Variants in KIAA0319L observed in about 807,000 individuals in gnomAD.
KIAA0319L encodes dyslexia-associated protein KIAA0319-like protein.
KIAA0319L carries 55 observed loss-of-function variants against 120.1 expected under a neutral mutation model. That is an observed-to-expected ratio of 0.46 (90% CI 0.37 to 0.57). KIAA0319L has a LOEUF of 0.57. Ranked by LOEUF, KIAA0319L falls within the 20% of genes least tolerant of loss-of-function variation. The probability of loss-of-function intolerance (pLI) is 0.00; values close to 1 mark genes in which losing one functional copy is unlikely to be tolerated. For missense variants in KIAA0319L, 1,049 were observed against 1,255.3 expected, an observed-to-expected ratio of 0.84 and a Z score of 2.48; for synonymous variants, 398 against 471.9, an observed-to-expected ratio of 0.84 and a Z score of 2.03.
intron 2 of KIAA0319L, among the ~76,000 whole-genome samples, chr1:35,516,913 C>CA (rs368411736): frequency 1.4e-4 from 22 of 152,162 alleles, no homozygotes; most frequent in African/African-American, 4.8e-4. Flanking sequence ...ACACCAACAC[C>CA]ACCCAAGCCA....
intron 10 of KIAA0319L, 70 bp downstream of exon 10, chr1:35,455,943 G>T: frequency 1.7e-6 from 2 of 1,172,762 alleles, no homozygotes; most frequent in Non-Finnish European, 2.4e-6. Context: ...TTGTTTGGAG[G>T]TTTCTAAAAA....
intron 2 of KIAA0319L, among the ~76,000 whole-genome samples, chr1:35,519,086 T>C (rs1435871542): frequency 1.3e-5 from 2 of 152,112 alleles, no homozygotes; most frequent in Non-Finnish European, 2.9e-5. Context: ...ACGAATTATG[T>C]GGCATATTTG....
intron 16 of KIAA0319L, 30 bp from the exon 17 acceptor site, chr1:35,444,333 C>G: frequency 6.4e-7 from 1 of 1,560,206 alleles, no homozygotes; most frequent in Non-Finnish European, 8.7e-7. Flanking sequence ...TACTAATGAG[C>G]TGAAGCGGTC....
At chr1:35,497,031 A>C (rs1165162251) in intron 3 of KIAA0319L, among the ~76,000 whole-genome samples, 2 of 152,024 alleles carry the variant, frequency 1.3e-5, no homozygotes, top group Non-Finnish European at 2.9e-5. Context: ...AAGTAGAAGA[A>C]CCTAAACACA....
intron 2 of KIAA0319L, among the ~76,000 whole-genome samples, chr1:35,541,768 A>C (rs1257592218): frequency 1.3e-5 from 2 of 152,210 alleles, no homozygotes; most frequent in African/African-American, 4.8e-5. Context: ...AAGCATGGGC[A>C]CATATCAGTT....
In KIAA0319L at chr1:35,554,527, G is replaced by A. The variant is rs977434815; in HGVS notation, c.-28-8C>T. On this transcript the variant is annotated splice_region_variant and splice_polypyrimidine_tract_variant and intron_variant, in intron 1 of 20. Coordinates refer to ENST00000325722, the MANE Select transcript of KIAA0319L (RefSeq NM_024874.5). ...ACAGGCAGAACCAGTACACTAGAAG[G>A]ACAGAAAGAGAAGAAATTACATGCC... 5.3e-6 allele frequency: 8 copies of A among 1,506,426 alleles called. No homozygotes were observed. In the African/African-American group the frequency reaches 1.1e-4, roughly 21 times the overall value. 93.3% of individuals were successfully genotyped at this position (1,506,426 alleles called of 1,614,324 possible). A position where few individuals can be genotyped will look rare whatever the true frequency, so the allele number is the denominator to read the frequency against.
intron 3 of KIAA0319L, among the ~76,000 whole-genome samples, chr1:35,488,033 C>T (rs767719603): frequency 6.6e-6 from 1 of 152,170 alleles, no homozygotes; most frequent in African/African-American, 2.4e-5. Flanking sequence ...TTTTTGCCAC[C>T]ATAAGAAAGT....
chr1:35,523,134 C>T (rs1011494617), intron 2 of KIAA0319L, among the ~76,000 whole-genome samples: 1 of 152,048 alleles, frequency 6.6e-6, no homozygotes, highest in African/African-American at 2.4e-5. Context: ...CTTCTTCCAT[C>T]CCTGAAATGG....
intron 18 of KIAA0319L, 130 bp downstream of exon 18, chr1:35,442,776 C>T: frequency 2.6e-6 from 3 of 1,157,270 alleles, no homozygotes; most frequent in South Asian, 2.9e-5. Context: ...AAGTCCTCTG[C>T]AAACAGAAAA....
At position 35,456,152 on chromosome 1, in the gene KIAA0319L, T is replaced by A. The variant is rs1400835551; in HGVS notation, c.1517A>T (p.Asn506Ile). 8.1e-6 allele frequency: 13 copies of A among 1,613,786 alleles called. No homozygotes were observed. In the East Asian group the frequency reaches 2.7e-4, roughly 33 times the overall value. Reference protein sequence around the residue: ...NKAVDYPPVANAGPNQVITLP... With the variant: ...NKAVDYPPVAIAGPNQVITLP... ...GGTGATCACTTGGTTGGGGCCTGCG[T>A]TGGCCACAGGGGGGTAATCCACAGC... The change falls in exon 10 of 21, where the codon AAC (asparagine) becomes ATC (isoleucine). Residue 506 changes from asparagine to isoleucine, a missense_variant. Asn to Ile is a moderately radical substitution (Grantham distance 149). Transcript: ENST00000325722.
chr1:35,526,705 T>C (rs992932670), intron 2 of KIAA0319L, among the ~76,000 whole-genome samples: 1 of 152,128 alleles, frequency 6.6e-6, no homozygotes, highest in Non-Finnish European at 1.5e-5. Flanking sequence ...AGTCAGGAAG[T>C]GTGATGCCTC....
Position 35,462,668 on chromosome 1 carries a change from A to T in KIAA0319L, c.1247T>A (p.Phe416Tyr), listed in dbSNP as rs143002588. ...RPPIAIVSPQFQEISLPTTST... is the reference protein window; with the variant it reads ...RPPIAIVSPQYQEISLPTTST... ...AGTGGTTGGCAAAGAGATCTCCTGG[A>T]ACTGAGGTGACACAATAGCAATGGG... The change falls in exon 8 of 21, where the codon TTC becomes TAC. Residue 416 changes from phenylalanine to tyrosine, a missense_variant. By Grantham distance (22) the Phe-to-Tyr change is conservative. Transcript: ENST00000325722. 5 of 1,614,180 alleles carry T rather than the reference A, an allele frequency of 3.1e-6. No homozygotes were observed. Among genetic ancestry groups the T allele is most frequent in the Non-Finnish European group, 3.4e-6 (4 of 1,179,998 alleles).
intron 4 of KIAA0319L, among the ~76,000 whole-genome samples, chr1:35,475,913 C>T (rs1009929818): frequency 6.6e-6 from 1 of 152,180 alleles, no homozygotes; most frequent in African/African-American, 2.4e-5. Flanking sequence ...TCCACAAAGC[C>T]ACGGTCTACT....
intron 3 of KIAA0319L, among the ~76,000 whole-genome samples, chr1:35,484,769 T>C (rs1359705775): frequency 4.5e-5 from 1 of 22,292 alleles, no homozygotes; most frequent in Non-Finnish European, 7.2e-5. Flanking sequence ...TTTTTAATCA[T>C]ATATATATAT....
chr1:35,482,877 G>C (rs1644231804), intron 3 of KIAA0319L, among the ~76,000 whole-genome samples: 1 of 152,302 alleles, frequency 6.6e-6, no homozygotes, highest in Non-Finnish European at 1.5e-5. Context: ...ACCACCACCA[G>C]TGTATTTCAG....
intron 16 of KIAA0319L, 75 bp downstream of exon 16, chr1:35,448,098 C>A: frequency 1.4e-6 from 2 of 1,387,284 alleles, no homozygotes; most frequent in Non-Finnish European, 2.0e-6. Context: ...TCTAACCACA[C>A]TATTTCTCAG....
chr1:35,531,203 C>CA (rs976084287), intron 2 of KIAA0319L, among the ~76,000 whole-genome samples: 4 of 152,166 alleles, frequency 2.6e-5, no homozygotes, highest in Non-Finnish European at 4.4e-5. Flanking sequence ...CTGCTAGTGA[C>CA]AGTGGCCCCA....
At chr1:35,445,780 T>C (rs1037535255) in intron 16 of KIAA0319L, among the ~76,000 whole-genome samples, 11 of 152,178 alleles carry the variant, frequency 7.2e-5, no homozygotes, top group Non-Finnish European at 1.5e-4. Context: ...TTTCTTCCAA[T>C]CACATGTTCT....
intron 2 of KIAA0319L, among the ~76,000 whole-genome samples, chr1:35,535,430 A>T (rs1646537959): frequency 1.3e-5 from 2 of 152,290 alleles, no homozygotes; most frequent in East Asian, 3.9e-4. Flanking sequence ...CCACCCCAAA[A>T]ATCTGTGGTT....
Sources: gnomAD v4.1 joint callset for allele counts (sites outside exome capture counted in the v4.1 genomes callset) on GRCh38, gnomAD v4.1.1 for gene constraint, MANE v1.5 for transcripts, NCBI Gene and HGNC (gene_info 2026-07-23, HGNC 2026-07-21) for gene names.